The following FOXJ3 variants were observed in gnomAD, a reference collection of about 807,000 sequenced individuals.
FOXJ3 encodes the protein forkhead box J3.
A neutral mutation model predicts 76.1 loss-of-function variants in FOXJ3; 22 were observed. That is an observed-to-expected ratio of 0.29 (90% CI 0.21 to 0.41). The LOEUF is 0.41. Ranked by LOEUF, FOXJ3 falls within the 10% of genes least tolerant of loss-of-function variation. FOXJ3 has a pLI of 1.00. For missense variants in FOXJ3, 613 were observed against 762.1 expected, an observed-to-expected ratio of 0.80 and a Z score of 2.30; for synonymous variants, 269 against 261.2, an observed-to-expected ratio of 1.03 and a Z score of -0.29.
rs749025654 is a variant in FOXJ3, at chr1:42,324,115, G to GTA, written c.-18+10942_-18+10943dup. Among the ~76,000 whole-genome samples, 37 of 52,324 alleles carry GTA rather than the reference G, an allele frequency of 7.1e-4. 1 individual carries two copies. The highest frequency in any genetic ancestry group is 1.0e-3 in the East Asian group (2 of 1,982). The allele number at this position is 52,324 out of a possible 152,430, so 34.3% of individuals were successfully genotyped here. A position where few individuals can be genotyped will look rare whatever the true frequency, so the allele number is the denominator to read the frequency against. On this transcript the variant is annotated intron_variant, in intron 1 of 12. Transcript: ENST00000361346. ...TGTATATATACTGTGTATATACACT[G>GTA]TATATACACAGTGTATATACAGTAT...
In FOXJ3 at chr1:42,277,526, G is replaced by A. The variant is rs866909564; in HGVS notation, c.369+822C>T. ...AAATACAAAAAATCTGGCCGGGCGC[G>A]GTGGCTCACGCCTGTAATCCCAGCA... is the stretch of plus-strand genomic sequence containing the variant. On this transcript the variant is annotated intron_variant, in intron 3 of 12. Coordinates refer to ENST00000361346, the MANE Select transcript of FOXJ3 (RefSeq NM_014947.5). 9.2e-5 allele frequency among the ~76,000 whole-genome samples: 6 copies of A among 64,990 alleles called. 1 individual carries two copies. The highest frequency in any genetic ancestry group is 1.4e-4 in the Non-Finnish European group (4 of 28,346). The allele number at this position is 64,990 out of a possible 152,430, so 42.6% of individuals were successfully genotyped here.
intron 11 of FOXJ3, among the ~76,000 whole-genome samples, chr1:42,187,873 T>C (rs1167870175): frequency 1.3e-5 from 2 of 152,140 alleles, no homozygotes; most frequent in African/African-American, 4.8e-5. Context: ...GGAAAAGCTA[T>C]TCAACGTGGA....
At chr1:42,182,160 T>C in intron 11 of FOXJ3, 136 bp from the exon 12 acceptor site, 11 of 581,044 alleles carry the variant, frequency 1.9e-5, no homozygotes, top group Middle Eastern at 4.6e-4. Context: ...GAAGAAAATA[T>C]TACTCCTTTC....
intron 3 of FOXJ3, among the ~76,000 whole-genome samples, chr1:42,265,390 T>C (rs1202136285): frequency 6.6e-6 from 1 of 152,180 alleles, no homozygotes; most frequent in Non-Finnish European, 1.5e-5. Context: ...TACTGGAAAA[T>C]AATTTCTAGA....
intron 5 of FOXJ3, among the ~76,000 whole-genome samples, chr1:42,215,906 C>T (rs2124388331): frequency 6.6e-6 from 1 of 152,162 alleles, no homozygotes; most frequent in South Asian, 2.1e-4. Flanking sequence ...ATACCTAGCA[C>T]TTTGGGAGGT....
chr1:42,286,633 T>C lies in FOXJ3; in HGVS notation c.45-7961A>G, dbSNP rs914439302. ...GAAGTTCATACTCTTCAGGGTTTCCTAAATTTTTTTTCTTTTTTGAGACGG... is the reference window on the plus strand; with the variant it reads ...GAAGTTCATACTCTTCAGGGTTTCCCAAATTTTTTTTCTTTTTTGAGACGG... On this transcript the variant is annotated intron_variant, in intron 2 of 12. Coordinates refer to ENST00000361346, the MANE Select transcript of FOXJ3 (RefSeq NM_014947.5). Among the ~76,000 whole-genome samples the C allele has an allele frequency of 3.3e-5, 5 of 152,198 alleles. 1 individual carries two copies. Among genetic ancestry groups the C allele is most frequent in the Non-Finnish European group, 7.3e-5 (5 of 68,032 alleles).
chr1:42,289,993 T>C (rs1459839005), intron 2 of FOXJ3, among the ~76,000 whole-genome samples: 1 of 152,074 alleles, frequency 6.6e-6, no homozygotes, highest in African/African-American at 2.4e-5. Context: ...AGAATTAAAA[T>C]GTTAGAAGAT....
chr1:42,303,894 C>T (rs1334711704), intron 2 of FOXJ3, among the ~76,000 whole-genome samples: 1 of 152,004 alleles, frequency 6.6e-6, no homozygotes, highest in Non-Finnish European at 1.5e-5. Flanking sequence ...TTGCTTTGAC[C>T]GAACCAAATT....
chr1:42,198,982 A>AAT (rs751580371), intron 7 of FOXJ3, 120 bp downstream of exon 7: 120 of 733,410 alleles, frequency 1.6e-4, no homozygotes, highest in Non-Finnish European at 2.5e-4. Flanking sequence ...TTACTAAGTT[A>AAT]ATAAATTTAT....
At chr1:42,227,822 A>G in intron 5 of FOXJ3, 61 bp downstream of exon 5, 1 of 914,634 alleles carries the variant, frequency 1.1e-6, no homozygotes, top group Non-Finnish European at 1.7e-6. Flanking sequence ...AAGAACTTTC[A>G]AAATCTGTAT....
rs1655594210 is a variant in FOXJ3, at chr1:42,324,056, C to CACTATATATAGTATATATATACAG, written c.-18+11002_-18+11003insCTGTATATATATACTATATATAGT. 2.8e-5 allele frequency among the ~76,000 whole-genome samples: 3 copies of CACTATATATAGTATATATATACAG among 107,712 alleles called. No individual in the cohort carries two copies. In the South Asian group the frequency reaches 9.3e-4, roughly 33 times the overall value. 70.7% of individuals were successfully genotyped at this position (107,712 alleles called of 152,430 possible). ...ATACACACTATATATAGTATATACACTGTATATACACAGTGTATATATAGT... is the reference window on the plus strand; with the variant it reads ...ATACACACTATATATAGTATATACACACTATATATAGTATATATATACAGTGTATATACACAGTGTATATATAGT... On this transcript the variant is annotated intron_variant, in intron 1 of 12. Coordinates refer to ENST00000361346, the MANE Select transcript of FOXJ3 (RefSeq NM_014947.5).
intron 1 of FOXJ3, among the ~76,000 whole-genome samples, chr1:42,331,196 A>G (rs1225373447): frequency 6.6e-6 from 1 of 152,098 alleles, no homozygotes; most frequent in East Asian, 1.9e-4. Flanking sequence ...AGCCTGGCCA[A>G]CATGGTGAAA....
intron 1 of FOXJ3, among the ~76,000 whole-genome samples, chr1:42,328,959 A>G (rs1656000816): frequency 6.6e-6 from 1 of 152,044 alleles, no homozygotes; most frequent in South Asian, 2.1e-4. Flanking sequence ...GAGCCACCAC[A>G]CCAGGTCATT....
At chr1:42,330,960 A>C (rs1570275146) in intron 1 of FOXJ3, among the ~76,000 whole-genome samples, 1 of 152,200 alleles carries the variant, frequency 6.6e-6, no homozygotes, top group East Asian at 1.9e-4. Context: ...TTCAAGGGCC[A>C]TGTCTTATTC....
At position 42,177,432 on chromosome 1, in the gene FOXJ3, TA is replaced by T. The variant is rs1646235143; in HGVS notation, c.*2277del. The T allele has an allele frequency of 1.3e-5, 2 of 152,612 alleles. No individual in the cohort carries two copies. Among genetic ancestry groups the T allele is most frequent in the Admixed American group, 6.5e-5 (1 of 15,282 alleles). 9.5% of individuals were successfully genotyped at this position (152,612 alleles called of 1,614,324 possible). A position where few individuals can be genotyped will look rare whatever the true frequency, so the allele number is the denominator to read the frequency against. On this transcript the variant is annotated 3_prime_UTR_variant, in exon 13 of 13. Transcript: ENST00000361346. ...AAGTGCACATTGCTACCCAAGCAATTAAAACAGTTTCAAAACAGCTATTTTG... is the reference window on the plus strand; with the variant it reads ...AAGTGCACATTGCTACCCAAGCAATTAAACAGTTTCAAAACAGCTATTTTG...
intron 11 of FOXJ3, among the ~76,000 whole-genome samples, chr1:42,183,309 G>A (rs1481690599): frequency 8.6e-4 from 23 of 26,700 alleles, no homozygotes; most frequent in African/African-American, 2.2e-3. Context: ...GGGGCGGGGT[G>A]GGGGAGGGGA....
chr1:42,283,528 C>T (rs1233489983), intron 2 of FOXJ3, among the ~76,000 whole-genome samples: 1 of 151,874 alleles, frequency 6.6e-6, no homozygotes, highest in East Asian at 1.9e-4. Context: ...AAAAGGGGGG[C>T]AAATGGGTAC....
intron 2 of FOXJ3, among the ~76,000 whole-genome samples, chr1:42,284,041 T>A (rs902675655): frequency 1.3e-5 from 2 of 152,182 alleles, no homozygotes; most frequent in African/African-American, 4.8e-5. Flanking sequence ...GGTCCCTGAT[T>A]TTTTTTGTGA....
At chr1:42,325,680 A>C (rs1302382920) in intron 1 of FOXJ3, among the ~76,000 whole-genome samples, 2 of 152,230 alleles carry the variant, frequency 1.3e-5, no homozygotes, top group African/African-American at 2.4e-5. Flanking sequence ...TAGATCCTTA[A>C]GTTAGTTTTC....
Sources: gnomAD v4.1 joint callset for allele counts (sites outside exome capture counted in the v4.1 genomes callset) on GRCh38, gnomAD v4.1.1 for gene constraint, MANE v1.5 for transcripts, NCBI Gene and HGNC (gene_info 2026-07-23, HGNC 2026-07-21) for gene names.